The following ITGB8 variants were observed in gnomAD, a reference collection of about 807,000 sequenced individuals.
ITGB8 encodes integrin beta-8.
A neutral mutation model predicts 89.5 loss-of-function variants in ITGB8; 30 were observed. That is an observed-to-expected ratio of 0.34 (90% CI 0.25 to 0.45). The LOEUF is 0.45. Ranked by LOEUF, ITGB8 falls within the 20% of genes least tolerant of loss-of-function variation. The probability of loss-of-function intolerance (pLI) is 1.00; values close to 1 mark genes in which losing one functional copy is unlikely to be tolerated. For missense variants in ITGB8, 836 were observed against 933.3 expected (o/e 0.90, Z 1.36); for synonymous variants, 335 against 320.4 (o/e 1.05, Z -0.49).
intron 8 of ITGB8, among the ~76,000 whole-genome samples, chr7:20,397,785 C>T (rs1289531526): frequency 1.3e-5 from 2 of 152,130 alleles, no homozygotes; most frequent in Non-Finnish European, 2.9e-5. Context: ...GATACGCTAC[C>T]AGAATTCCAT....
intron 10 of ITGB8, among the ~76,000 whole-genome samples, 191 bp from the exon 11 acceptor site, chr7:20,404,437 T>C (rs6955431): frequency 0.23 from 34,951 of 152,180 alleles, 4,985 homozygotes; most frequent in Non-Finnish European, 0.32. Context: ...TTATCTACAG[T>C]AGAACAGCTT....
intron 1 of ITGB8, chr7:20,346,507 C>G (rs1235488267): frequency 6.4e-6 from 1 of 155,434 alleles, no homozygotes; most frequent in Admixed American, 6.5e-5. Context: ...TGAGATTAGT[C>G]TTTGGGATCT....
Position 20,380,744 on chromosome 7 carries a change from G to C in ITGB8, c.714G>C (p.Glu238Asp), listed in dbSNP as rs370739263. ...TGACAGAGAACATCACTGAGTTTGA[G>C]AAAGCAGTTCATAGACAGAAGATCT... ...LSLTENITEF[E>D]KAVHRQKISG... is the part of the protein sequence containing the mutation. The change falls in exon 5 of 14, where the codon GAG becomes GAC. Residue 238 changes from glutamate (E) to aspartate (D), a missense_variant. By Grantham distance (45) the Glu-to-Asp change is conservative. Coordinates refer to ENST00000222573, the MANE Select transcript of ITGB8 (RefSeq NM_002214.3). 2 of 1,613,530 alleles carry C rather than the reference G, an allele frequency of 1.2e-6. No homozygotes were observed. Among genetic ancestry groups the C allele is most frequent in the Non-Finnish European group, 8.5e-7 (1 of 1,179,410 alleles).
intron 4 of ITGB8, chr7:20,380,181 C>T (rs1289891564): frequency 6.4e-6 from 1 of 156,958 alleles, no homozygotes; most frequent in African/African-American, 2.4e-5. Flanking sequence ...CATAGATTCT[C>T]AAAATAATTT....
At chr7:20,354,229 A>C (rs1785213092) in intron 1 of ITGB8, among the ~76,000 whole-genome samples, 1 of 152,200 alleles carries the variant, frequency 6.6e-6, no homozygotes, top group Admixed American at 6.5e-5. Context: ...ATATAAAGAA[A>C]ATGTATTTAA....
chr7:20,412,261 T>A lies in ITGB8; in HGVS notation c.*2264T>A, dbSNP rs962880053. 3.3e-5 allele frequency: 5 copies of A among 152,634 alleles called. No individual in the cohort carries two copies. Among genetic ancestry groups the A allele is most frequent in the African/African-American group, 1.2e-4 (5 of 41,460 alleles). 9.5% of individuals were successfully genotyped at this position (152,634 alleles called of 1,614,324 possible). A position where few individuals can be genotyped will look rare whatever the true frequency, so the allele number is the denominator to read the frequency against. ...TCCTTCCTCAAATGAGAGATTGACATAATTCAGTACTGTGAGTCACTTGTA... is the reference window on the plus strand; with the variant it reads ...TCCTTCCTCAAATGAGAGATTGACAAAATTCAGTACTGTGAGTCACTTGTA... On this transcript the variant is annotated 3_prime_UTR_variant, in exon 14 of 14. Transcript: ENST00000222573.
rs898623085 is a variant in ITGB8, at chr7:20,371,474, A to G, written c.388+4288A>G. On this transcript the variant is annotated intron_variant, in intron 3 of 13. Transcript: ENST00000222573. ...TAAATATAATGAAGAAAAATGATCA[A>G]TTGTGTGATTATCTCATAAAAGCAA... Among the ~76,000 whole-genome samples, 4 of 152,142 alleles carry G rather than the reference A, an allele frequency of 2.6e-5. No individual in the cohort carries two copies. In the East Asian group the frequency reaches 7.7e-4, roughly 29 times the overall value.
rs1045909426 is a variant in ITGB8, at chr7:20,331,379, C to G, written c.-428C>G. ...AATGTACATTAGGGTGGTTTCCCCC[C>G]CAGCTTCGGGCTTTGTTTGGGTTTG... On this transcript the variant is annotated 5_prime_UTR_variant, in exon 1 of 14. Transcript: ENST00000222573. 4 of 398,212 alleles carry G rather than the reference C, an allele frequency of 1.0e-5. No homozygotes were observed. In the Admixed American group the frequency reaches 1.8e-4, roughly 18 times the overall value. 24.7% of individuals were successfully genotyped at this position (398,212 alleles called of 1,614,324 possible).
rs985734833 is a variant in ITGB8, at chr7:20,409,886, T to A, written c.2199T>A (p.Ile733=). ...TCTTCTCTATTAAGGATAAGTTGATTCTGCAAAGTGTTTGCACAAGAGCAG... is the reference window on the plus strand; with the variant it reads ...TCTTCTCTATTAAGGATAAGTTGATACTGCAAAGTGTTTGCACAAGAGCAG... The part of the protein sequence containing the change: ...RVSASKKDKL[I]LQSVCTRAVT... Residue 733 remains isoleucine, a synonymous_variant, in exon 14 of 14, where the codon ATT becomes ATA. Coordinates refer to ENST00000222573, the MANE Select transcript of ITGB8 (RefSeq NM_002214.3). 1.9e-6 allele frequency: 3 copies of A among 1,613,396 alleles called. No individual in the cohort carries two copies. Among genetic ancestry groups the A allele is most frequent in the African/African-American group, 1.3e-5 (1 of 74,904 alleles).
intron 3 of ITGB8, among the ~76,000 whole-genome samples, chr7:20,375,592 G>C (rs1369289337): frequency 1.3e-5 from 2 of 152,136 alleles, no homozygotes; most frequent in African/African-American, 4.8e-5. Flanking sequence ...TACTTTCTGA[G>C]ACTGGCAAAG....
chr7:20,371,560 C>T (rs754186696), intron 3 of ITGB8, among the ~76,000 whole-genome samples: 2 of 152,006 alleles, frequency 1.3e-5, no homozygotes, highest in Non-Finnish European at 2.9e-5. Flanking sequence ...ATTGTGCTAC[C>T]TAATAGAAAA....
chr7:20,373,134 A>C (rs536427998), intron 3 of ITGB8, among the ~76,000 whole-genome samples: 1 of 152,292 alleles, frequency 6.6e-6, no homozygotes, highest in African/African-American at 2.4e-5. Flanking sequence ...ATCTGTTAAG[A>C]ATTTTTCATG....
At chr7:20,337,575 G>T (rs940185824) in intron 1 of ITGB8, among the ~76,000 whole-genome samples, 1 of 152,148 alleles carries the variant, frequency 6.6e-6, no homozygotes, top group South Asian at 2.1e-4. Context: ...TATTCCCATT[G>T]TATAGGTAAG....
intron 3 of ITGB8, among the ~76,000 whole-genome samples, chr7:20,376,921 G>A (rs556071823): frequency 1.8e-4 from 27 of 152,220 alleles, no homozygotes; most frequent in Middle Eastern, 3.4e-3. Context: ...ATCCAAAATC[G>A]AGCCACAGCA....
chr7:20,340,576 C>T (rs964954493), intron 1 of ITGB8, among the ~76,000 whole-genome samples: 10 of 152,116 alleles, frequency 6.6e-5, no homozygotes, highest in Non-Finnish European at 1.0e-4. Flanking sequence ...CAAGATCTGC[C>T]GATAGTAAAT....
chr7:20,373,922 A>G (rs1786032555), intron 3 of ITGB8, among the ~76,000 whole-genome samples: 1 of 152,182 alleles, frequency 6.6e-6, no homozygotes, highest in Non-Finnish European at 1.5e-5. Context: ...TTAAAAACTC[A>G]TTTTAACCAC....
At chr7:20,385,743 C>T (rs1420216816) in intron 6 of ITGB8, among the ~76,000 whole-genome samples, 1 of 152,194 alleles carries the variant, frequency 6.6e-6, no homozygotes. Context: ...TTTTCCAGGA[C>T]TGCAGATGAA....
chr7:20,380,942 C>A, intron 5 of ITGB8, 111 bp downstream of exon 5: 2 of 915,326 alleles, frequency 2.2e-6, no homozygotes, highest in Non-Finnish European at 3.4e-6. Context: ...TAGAAGAAAA[C>A]ATATCTTACT....
intron 3 of ITGB8, among the ~76,000 whole-genome samples, chr7:20,371,788 T>C (rs1785945058): frequency 2.0e-5 from 3 of 152,346 alleles, no homozygotes; most frequent in African/African-American, 7.2e-5. Flanking sequence ...TTAGCATGCA[T>C]TCCTGGCAGT....
Sources: allele counts gnomAD v4.1 joint callset (sites outside exome capture counted in the v4.1 genomes callset), GRCh38; gene constraint gnomAD v4.1.1; transcripts MANE v1.5; gene names NCBI Gene and HGNC (gene_info 2026-07-23, HGNC 2026-07-21).